The following HPSE2 variants were observed in gnomAD, a reference collection of about 807,000 sequenced individuals.
HPSE2 encodes the protein heparanase 2 (inactive).
HPSE2 carries 38 observed loss-of-function variants against 60.5 expected under a neutral mutation model. The observed-to-expected ratio is 0.63, with a 90% CI of 0.48 to 0.82. HPSE2 has a LOEUF of 0.82. Ranked by LOEUF, HPSE2 falls within the 40% of genes least tolerant of loss-of-function variation. The pLI, the probability that HPSE2 is intolerant of heterozygous loss-of-function variation, is 0.00. For missense variants in HPSE2, 713 were observed against 740.4 expected, an observed-to-expected ratio of 0.96 and a Z score of 0.43; for synonymous variants, 295 against 293.2, an observed-to-expected ratio of 1.01 and a Z score of -0.06.
At chr10:98,689,915 T>C (rs965465227) in intron 6 of HPSE2, among the ~76,000 whole-genome samples, 1 of 152,202 alleles carries the variant, frequency 6.6e-6, no homozygotes, top group Middle Eastern at 3.2e-3. Flanking sequence ...GTTTATCAAG[T>C]CCTTCTAAAT....
the HPSE2 span, among the ~76,000 whole-genome samples, chr10:99,305,962 C>CGT: frequency 1.7e-4 from 5 of 30,104 alleles, no homozygotes; most frequent in East Asian, 9.1e-4. Flanking sequence ...CTCACACACA[C>CGT]GCGCGCGCGC....
intron 9 of HPSE2, among the ~76,000 whole-genome samples, chr10:98,565,230 C>T (rs920744034): frequency 6.6e-6 from 1 of 151,520 alleles, no homozygotes; most frequent in African/African-American, 2.4e-5. Context: ...CATAGGTATA[C>T]ATGTGCCATG....
chr10:99,064,087 G>A (rs1230081536), intron 3 of HPSE2, among the ~76,000 whole-genome samples: 1 of 152,068 alleles, frequency 6.6e-6, no homozygotes, highest in Non-Finnish European at 1.5e-5. Context: ...GTGAGACTCC[G>A]TCTCAAAAAA....
intron 6 of HPSE2, among the ~76,000 whole-genome samples, chr10:98,666,312 TAGAC>T (rs1445444674): frequency 6.6e-6 from 1 of 152,132 alleles, no homozygotes; most frequent in African/African-American, 2.4e-5. Flanking sequence ...TGAAAAGACT[TAGAC>T]AGCCACACAG....
chr10:99,223,135 T>A (rs1455913871), intron 2 of HPSE2, among the ~76,000 whole-genome samples: 1 of 152,036 alleles, frequency 6.6e-6, no homozygotes, highest in East Asian at 1.9e-4. Context: ...TATCACTGAG[T>A]CTCTGTGGCA....
At chr10:98,604,026 C>T (rs962663025) in intron 9 of HPSE2, among the ~76,000 whole-genome samples, 1 of 152,130 alleles carries the variant, frequency 6.6e-6, no homozygotes, top group Non-Finnish European at 1.5e-5. Flanking sequence ...TTCCTCTCCC[C>T]CCATACCTTA....
intron 9 of HPSE2, among the ~76,000 whole-genome samples, chr10:98,492,975 C>T (rs907123732): frequency 2.6e-5 from 4 of 152,314 alleles, no homozygotes; most frequent in African/African-American, 9.6e-5. Context: ...TAAACATTAA[C>T]TCTTCATTCC....
the HPSE2 span, among the ~76,000 whole-genome samples, chr10:99,310,090 AT>A: frequency 2.0e-5 from 3 of 152,172 alleles, no homozygotes; most frequent in Admixed American, 2.0e-4. Flanking sequence ...CCATCTTCAC[AT>A]TGCCTTCTGC....
At chr10:98,574,964 G>C (rs1209324973) in intron 9 of HPSE2, among the ~76,000 whole-genome samples, 1 of 152,130 alleles carries the variant, frequency 6.6e-6, no homozygotes, top group Non-Finnish European at 1.5e-5. Flanking sequence ...GAAACAAAAG[G>C]GGGAAAGGGG....
intron 3 of HPSE2, among the ~76,000 whole-genome samples, chr10:99,031,204 G>A (rs1957490379): frequency 1.3e-5 from 2 of 152,040 alleles, no homozygotes; most frequent in South Asian, 4.2e-4. Flanking sequence ...TCTCCAAGAT[G>A]TGCTTATTTC....
chr10:98,984,433 T>C (rs187856036), intron 3 of HPSE2, among the ~76,000 whole-genome samples: 11 of 152,348 alleles, frequency 7.2e-5, no homozygotes, highest in Admixed American at 7.2e-4. Flanking sequence ...CTGAGGGTCC[T>C]GACTCTTAGA....
chr10:98,540,902 C>T (rs2133822658), intron 9 of HPSE2, among the ~76,000 whole-genome samples: 1 of 152,070 alleles, frequency 6.6e-6, no homozygotes, highest in African/African-American at 2.4e-5. Context: ...TTGTGGGAAC[C>T]TAAAGACTAT....
chr10:99,158,064 C>T (rs1159086672), intron 2 of HPSE2, among the ~76,000 whole-genome samples: 1 of 143,158 alleles, frequency 7.0e-6, no homozygotes, highest in East Asian at 2.1e-4. Flanking sequence ...TACCATCTCA[C>T]ACCAGTTAGA....
At chr10:99,240,520 C>T (rs887831862), upstream of HPSE2, among the ~76,000 whole-genome samples, 1 of 151,492 alleles carries the variant, frequency 6.6e-6, no homozygotes, top group Non-Finnish European at 1.5e-5. Context: ...ACGCCATTCT[C>T]CTGCCTCAGC....
chr10:98,644,418 T>G (rs981111457), intron 6 of HPSE2, among the ~76,000 whole-genome samples: 1 of 151,672 alleles, frequency 6.6e-6, no homozygotes, highest in Non-Finnish European at 1.5e-5. Context: ...GAACTTGGAG[T>G]GAGGAAAGTG....
At chr10:99,109,841 A>T (rs1844390705) in intron 3 of HPSE2, among the ~76,000 whole-genome samples, 1 of 152,210 alleles carries the variant, frequency 6.6e-6, no homozygotes, top group Admixed American at 6.5e-5. Flanking sequence ...TAAAAGTAGT[A>T]AACAAAAATG....
chr10:98,597,970 CAAAAA>C lies in HPSE2; in HGVS notation c.1320+16929_1320+16933del, dbSNP rs571184082. 9.3e-3 allele frequency among the ~76,000 whole-genome samples: 515 copies of C among 55,098 alleles called. 4 individuals are homozygous for C. Among genetic ancestry groups the C allele is most frequent in the African/African-American group, 0.032 (482 of 15,096 alleles). The allele number at this position is 55,098 out of a possible 152,430, so 36.1% of individuals were successfully genotyped here. ...TGGGTGACAGAGTGAGACTCCATCTCAAAAAAAAAAAAAAAAAAAAAAAAAAAATT... is the reference window on the plus strand; with the variant it reads ...TGGGTGACAGAGTGAGACTCCATCTCAAAAAAAAAAAAAAAAAAAAAAATT... On this transcript the variant is annotated intron_variant, in intron 9 of 11. Coordinates refer to ENST00000370552, the MANE Select transcript of HPSE2 (RefSeq NM_021828.5).
At chr10:98,748,722 T>A (rs1460024284) in intron 3 of HPSE2, among the ~76,000 whole-genome samples, 2 of 152,034 alleles carry the variant, frequency 1.3e-5, no homozygotes, top group East Asian at 3.9e-4. Context: ...TTAAGAAATG[T>A]CCACATATAA....
intron 3 of HPSE2, among the ~76,000 whole-genome samples, chr10:98,802,720 T>C (rs1433841796): frequency 6.7e-6 from 1 of 149,578 alleles, no homozygotes; most frequent in Non-Finnish European, 1.5e-5. Context: ...CAGTCTATCA[T>C]TGTTGGACAT....
Sources: allele counts gnomAD v4.1 joint callset (sites outside exome capture counted in the v4.1 genomes callset), GRCh38; gene constraint gnomAD v4.1.1; transcripts MANE v1.5; gene names NCBI Gene and HGNC (gene_info 2026-07-23, HGNC 2026-07-21).